Variants in WDR41 observed in about 807,000 individuals in gnomAD.
WDR41 encodes WD repeat-containing protein 41.
In WDR41, 63 loss-of-function variants were observed where a neutral mutation model predicts 69.3. That is an observed-to-expected ratio of 0.91 (90% CI 0.74 to 1.12). WDR41 has a LOEUF of 1.12. Ranked by LOEUF, WDR41 falls within the 50% of genes most tolerant of loss-of-function variation. WDR41 has a pLI of 0.00. For missense variants in WDR41, 543 were observed against 534.5 expected, an observed-to-expected ratio of 1.02 and a Z score of -0.16; for synonymous variants, 185 against 192.1, an observed-to-expected ratio of 0.96 and a Z score of 0.31.
At chr5:77,447,354 T>C (rs888975834) in intron 8 of WDR41, among the ~76,000 whole-genome samples, 5 of 152,190 alleles carry the variant, frequency 3.3e-5, no homozygotes, top group African/African-American at 1.2e-4. Flanking sequence ...GAAGACAGTA[T>C]GGCGATTCCT....
At chr5:77,509,681 C>T (rs903828671) in intron 1 of WDR41, among the ~76,000 whole-genome samples, 5 of 152,024 alleles carry the variant, frequency 3.3e-5, no homozygotes, top group African/African-American at 7.2e-5. Context: ...TGGTTGCTTA[C>T]GGGTGGGGAA....
intron 1 of WDR41, among the ~76,000 whole-genome samples, chr5:77,596,689 C>T (rs1294479858): frequency 1.3e-5 from 2 of 152,122 alleles, no homozygotes; most frequent in African/African-American, 2.4e-5. Context: ...AATACAACAA[C>T]AACTAGCACA....
intron 1 of WDR41, among the ~76,000 whole-genome samples, chr5:77,547,730 G>A (rs1743224674): frequency 6.6e-6 from 1 of 152,064 alleles, no homozygotes; most frequent in African/African-American, 2.4e-5. Flanking sequence ...CAAATTCAGT[G>A]CAATTCCCAT....
At chr5:77,486,048 T>G (rs1306972208) in intron 2 of WDR41, among the ~76,000 whole-genome samples, 1 of 152,232 alleles carries the variant, frequency 6.6e-6, no homozygotes, top group Non-Finnish European at 1.5e-5. Flanking sequence ...AATTTGACAA[T>G]GCATAATGTA....
In WDR41 at chr5:77,433,210, C is replaced by T. The variant is rs750287182; in HGVS notation, c.1305G>A (p.Glu435=). ...DHLIILWKNG[E]RESGLRSLRL... The stretch of plus-strand genomic sequence containing the variant: ...TTAAACTGCGCAATCCAGATTCTCG[C>T]TCTCCATTTTTCCACAAAATAATGA... Residue 435 remains glutamate (E), a synonymous_variant, in exon 13 of 13, where the codon GAG becomes GAA. Transcript: ENST00000296679. The T allele has an allele frequency of 6.2e-7, 1 of 1,614,094 alleles. No individual in the cohort carries two copies. The highest frequency in any genetic ancestry group is 2.2e-5 in the East Asian group (1 of 44,864).
chr5:77,592,700 C>T (rs1744154772), intron 1 of WDR41, among the ~76,000 whole-genome samples: 1 of 152,146 alleles, frequency 6.6e-6, no homozygotes, highest in Non-Finnish European at 1.5e-5. Context: ...GTTGGAATAA[C>T]ACCACTTAAT....
intron 1 of WDR41, among the ~76,000 whole-genome samples, chr5:77,556,095 C>CTTTTTTT (rs34372647): frequency 1.7e-5 from 1 of 57,692 alleles, no homozygotes; most frequent in Non-Finnish European, 3.1e-5. Flanking sequence ...AAAAGATGGA[C>CTTTTTTT]TTTTTTTTTT....
chr5:77,509,204 C>T (rs986237559), intron 1 of WDR41, among the ~76,000 whole-genome samples: 2 of 152,090 alleles, frequency 1.3e-5, no homozygotes, highest in African/African-American at 4.8e-5. Context: ...TGGAGACCTC[C>T]CTCATCAAGA....
chr5:77,440,044 A>G (rs1799097219), intron 9 of WDR41, among the ~76,000 whole-genome samples: 1 of 152,206 alleles, frequency 6.6e-6, no homozygotes, highest in African/African-American at 2.4e-5. Context: ...TACAAAGAAA[A>G]ATGGATCATA....
chr5:77,596,162 T>A (rs1744224105), intron 1 of WDR41, among the ~76,000 whole-genome samples: 1 of 152,180 alleles, frequency 6.6e-6, no homozygotes, highest in South Asian at 2.1e-4. Context: ...TGTAGAAGGT[T>A]TTTTGAGACA....
At chr5:77,444,287 G>T (rs992451192) in intron 8 of WDR41, among the ~76,000 whole-genome samples, 7 of 152,056 alleles carry the variant, frequency 4.6e-5, no homozygotes, top group African/African-American at 1.7e-4. Context: ...TTAGTGGATG[G>T]ATTTTCATCC....
rs569312757 is a variant in WDR41 at position 77,615,770 on chromosome 5, A to T, written c.42+4709T>A. Among the ~76,000 whole-genome samples the T allele has an allele frequency of 1.1e-3, 160 of 150,546 alleles. 1 individual carries two copies. Among genetic ancestry groups the T allele is most frequent in the Non-Finnish European group, 2.1e-4 (14 of 67,828 alleles). On this transcript the variant is annotated intron_variant, in intron 1 of 5. Transcript: ENST00000509971. Reference sequence around the variant, plus strand: ...CACTTTGGGAGGCTGAAGCAGGTGGATCACTTGAGGTCAGAGGTTCGAGAC... The same window carrying T: ...CACTTTGGGAGGCTGAAGCAGGTGGTTCACTTGAGGTCAGAGGTTCGAGAC...
chr5:77,582,719 G>T, intron 1 of WDR41: 5 of 1,591,384 alleles, frequency 3.1e-6, no homozygotes, highest in Non-Finnish European at 4.3e-6. Flanking sequence ...CTTCGCCTTC[G>T]TCAAATCTTC....
chr5:77,455,226 T>C (rs1003391534), intron 5 of WDR41, among the ~76,000 whole-genome samples: 2 of 152,232 alleles, frequency 1.3e-5, no homozygotes, highest in Non-Finnish European at 2.9e-5. Context: ...ATTTCTCTAA[T>C]GACTAATGAT....
chr5:77,495,906 A>G (rs1025771767), upstream of WDR41, among the ~76,000 whole-genome samples: 2 of 152,094 alleles, frequency 1.3e-5, no homozygotes, highest in African/African-American at 4.8e-5. Context: ...GCATATTAAC[A>G]AGTATTATTT....
chr5:77,597,477 T>C (rs562553973), intron 1 of WDR41, among the ~76,000 whole-genome samples: 4 of 152,260 alleles, frequency 2.6e-5, no homozygotes, highest in African/African-American at 9.6e-5. Flanking sequence ...TTCATCAGAG[T>C]CGTGATTAGG....
chr5:77,618,405 C>G (rs1744716865), intron 1 of WDR41, among the ~76,000 whole-genome samples: 1 of 151,718 alleles, frequency 6.6e-6, no homozygotes. Flanking sequence ...TGGAGTCTCA[C>G]TTTGTCACCC....
chr5:77,509,122 A>T (rs1561210206), intron 1 of WDR41, among the ~76,000 whole-genome samples: 1 of 152,216 alleles, frequency 6.6e-6, no homozygotes, highest in Non-Finnish European at 1.5e-5. Flanking sequence ...CCTATGATTT[A>T]GCTTATTGTT....
intron 7 of WDR41, among the ~76,000 whole-genome samples, 199 bp from the exon 8 acceptor site, chr5:77,450,069 C>T (rs1319700854): frequency 6.6e-6 from 1 of 152,180 alleles, no homozygotes; most frequent in East Asian, 1.9e-4. Flanking sequence ...TCTACTAAAA[C>T]CCATACTGAA....
Sources: allele counts gnomAD v4.1 joint callset (sites outside exome capture counted in the v4.1 genomes callset), GRCh38; gene constraint gnomAD v4.1.1; transcripts MANE v1.5; gene names NCBI Gene and HGNC (gene_info 2026-07-23, HGNC 2026-07-21).